AGBL4: variants seen among roughly 807,000 people sequenced by gnomAD.
AGBL4 encodes the protein cytosolic carboxypeptidase 6.
A neutral mutation model predicts 66.4 loss-of-function variants in AGBL4; 58 were observed. The observed-to-expected ratio is 0.87, with a 90% CI of 0.71 to 1.09. AGBL4 has a LOEUF of 1.09. Among genes scored for constraint, AGBL4 ranks in the 50% least tolerant of loss-of-function variants. The pLI is 0.00. For missense variants in AGBL4, 579 were observed against 631.0 expected (o/e 0.92, Z 0.88); for synonymous variants, 234 against 222.9 (o/e 1.05, Z -0.44).
intron 3 of AGBL4, among the ~76,000 whole-genome samples, chr1:49,355,199 A>G (rs541617918): frequency 6.6e-6 from 1 of 152,344 alleles, no homozygotes; most frequent in East Asian, 1.9e-4. Flanking sequence ...CTTAATTGAA[A>G]TTTCATCTTA....
chr1:49,807,809 T>C (rs1188938584), intron 2 of AGBL4, among the ~76,000 whole-genome samples: 2 of 152,074 alleles, frequency 1.3e-5, no homozygotes, highest in Admixed American at 6.5e-5. Context: ...TTTTGGGAGA[T>C]AATTATGTCA....
intron 6 of AGBL4, among the ~76,000 whole-genome samples, chr1:48,672,243 G>A (rs1479737498): frequency 6.6e-6 from 1 of 152,232 alleles, no homozygotes; most frequent in East Asian, 1.9e-4. Context: ...GGCAATGCAG[G>A]CACATTGGGC....
At chr1:48,661,346 G>A (rs1055007633) in intron 7 of AGBL4, among the ~76,000 whole-genome samples, 11 of 152,194 alleles carry the variant, frequency 7.2e-5, no homozygotes, top group African/African-American at 2.7e-4. Flanking sequence ...CAGGCAGAGG[G>A]AGCAGCAGGT....
intron 4 of AGBL4, among the ~76,000 whole-genome samples, chr1:49,200,422 C>T (rs954158907): frequency 2.0e-5 from 3 of 152,146 alleles, no homozygotes; most frequent in African/African-American, 7.2e-5. Context: ...TAAATACCAG[C>T]TAGGTGTCCT....
chr1:49,267,915 C>T (rs1195820765), intron 3 of AGBL4, among the ~76,000 whole-genome samples: 1 of 151,926 alleles, frequency 6.6e-6, no homozygotes. Flanking sequence ...GGAAACCACC[C>T]CCATGATTCA....
intron 9 of AGBL4, among the ~76,000 whole-genome samples, chr1:48,630,470 C>G (rs569992922): frequency 1.3e-5 from 2 of 152,222 alleles, no homozygotes; most frequent in East Asian, 1.9e-4. Context: ...TACCACACTA[C>G]TCGGCTGCCC....
intron 5 of AGBL4, among the ~76,000 whole-genome samples, chr1:48,990,924 T>C (rs1489327414): frequency 6.6e-6 from 1 of 152,292 alleles, no homozygotes; most frequent in East Asian, 1.9e-4. Context: ...TCTTATTATA[T>C]ATGTCTTGAA....
intron 6 of AGBL4, among the ~76,000 whole-genome samples, chr1:48,808,606 A>G (rs1455853572): frequency 6.6e-6 from 1 of 152,208 alleles, no homozygotes; most frequent in African/African-American, 2.4e-5. Flanking sequence ...CTGAGATCAC[A>G]GTTGGAAAGA....
chr1:49,137,381 T>C (rs1394754871), intron 4 of AGBL4, among the ~76,000 whole-genome samples: 2 of 152,138 alleles, frequency 1.3e-5, no homozygotes, highest in African/African-American at 4.8e-5. Flanking sequence ...AAGTGGAAGA[T>C]GCTGGTGTGG....
At chr1:49,913,248 A>C (rs1651038495) in intron 1 of AGBL4, among the ~76,000 whole-genome samples, 1 of 152,242 alleles carries the variant, frequency 6.6e-6, no homozygotes, top group African/African-American at 2.4e-5. Flanking sequence ...AAATCGAAGC[A>C]AGTTATCTAC....
At chr1:49,054,789 C>T (rs1644280963) in intron 4 of AGBL4, among the ~76,000 whole-genome samples, 1 of 151,894 alleles carries the variant, frequency 6.6e-6, no homozygotes, top group African/African-American at 2.4e-5. Context: ...AATTTTGAGT[C>T]TTTAATAAAG....
chr1:49,170,208 T>C (rs1646709773), intron 4 of AGBL4, among the ~76,000 whole-genome samples: 1 of 147,090 alleles, frequency 6.8e-6, no homozygotes, highest in African/African-American at 2.5e-5. Context: ...ATGTTATAAA[T>C]TTATATTCAT....
chr1:49,652,794 C>G (rs1646035324), intron 3 of AGBL4, among the ~76,000 whole-genome samples: 1 of 152,272 alleles, frequency 6.6e-6, no homozygotes, highest in Non-Finnish European at 1.5e-5. Flanking sequence ...GCATCCCCAA[C>G]CAGGGGTTTA....
At chr1:49,015,873 G>A (rs11205589) in intron 5 of AGBL4, among the ~76,000 whole-genome samples, 66,060 of 151,710 alleles carry the variant, frequency 0.44, 16,748 homozygotes, top group Non-Finnish European at 0.58. Context: ...CAATTTCAGC[G>A]GAAAAAAACC....
intron 5 of AGBL4, among the ~76,000 whole-genome samples, chr1:48,871,742 G>A (rs1248531022): frequency 6.6e-6 from 1 of 152,010 alleles, no homozygotes; most frequent in East Asian, 1.9e-4. Flanking sequence ...GGGTATCCAG[G>A]GATTGCCAGA....
intron 3 of AGBL4, among the ~76,000 whole-genome samples, chr1:49,611,798 A>G (rs1246147637): frequency 6.6e-6 from 1 of 152,226 alleles, no homozygotes; most frequent in Non-Finnish European, 1.5e-5. Flanking sequence ...AATCTCAAGT[A>G]GGAAGAAAAT....
At chr1:48,801,584 T>C (rs990519667) in intron 6 of AGBL4, among the ~76,000 whole-genome samples, 1 of 152,136 alleles carries the variant, frequency 6.6e-6, no homozygotes, top group Non-Finnish European at 1.5e-5. Flanking sequence ...CCTAAATCCA[T>C]TTCAGCTCTA....
At chr1:49,837,483 T>G (rs1335945669) in intron 2 of AGBL4, among the ~76,000 whole-genome samples, 2 of 152,214 alleles carry the variant, frequency 1.3e-5, no homozygotes, top group Non-Finnish European at 2.9e-5. Context: ...TAATTAAGCA[T>G]GACCTAGTTC....
At chr1:49,854,827 G>C (rs558696327) in intron 1 of AGBL4, among the ~76,000 whole-genome samples, 3 of 152,306 alleles carry the variant, frequency 2.0e-5, no homozygotes, top group African/African-American at 7.2e-5. Context: ...ACAGTTCCCA[G>C]AGCCTGAAAA....
Sources: allele counts gnomAD v4.1 joint callset (sites outside exome capture counted in the v4.1 genomes callset), GRCh38; gene constraint gnomAD v4.1.1; transcripts MANE v1.5; gene names NCBI Gene and HGNC (gene_info 2026-07-23, HGNC 2026-07-21).